RAPGEF5: variants seen among roughly 807,000 people sequenced by gnomAD.
RAPGEF5 encodes the protein M-Ras-regulated GEF.
Under a neutral mutation model 125.2 loss-of-function variants are expected in RAPGEF5, and 65 were observed. The observed-to-expected ratio is 0.52, with a 90% CI of 0.43 to 0.64. The LOEUF is 0.64. Ranked by LOEUF, RAPGEF5 falls within the 30% of genes least tolerant of loss-of-function variation. The pLI, the probability that RAPGEF5 is intolerant of heterozygous loss-of-function variation, is 0.00. For synonymous variants in RAPGEF5, 391 were observed against 385.9 expected, an observed-to-expected ratio of 1.01 and a Z score of -0.16; for missense variants, 958 against 1,048.1, an observed-to-expected ratio of 0.91 and a Z score of 1.19.
intron 2 of RAPGEF5, among the ~76,000 whole-genome samples, chr7:22,317,162 C>T (rs1583574706): frequency 3.3e-5 from 5 of 150,328 alleles, no homozygotes; most frequent in South Asian, 2.1e-4. Flanking sequence ...GGGGATACAG[C>T]GGTGGAGAAG....
chr7:22,304,952 A>C (rs935327104), intron 5 of RAPGEF5, among the ~76,000 whole-genome samples: 2 of 152,218 alleles, frequency 1.3e-5, no homozygotes, highest in African/African-American at 4.8e-5. Context: ...CAGTGATGGG[A>C]AATCCATAAT....
intron 5 of RAPGEF5, among the ~76,000 whole-genome samples, chr7:22,304,804 T>C (rs1211447534): frequency 6.6e-6 from 1 of 152,236 alleles, no homozygotes; most frequent in African/African-American, 2.4e-5. Flanking sequence ...TAAAGTTCAT[T>C]GAACTGCTCC....
At chr7:22,285,523 A>C (rs1205490823) in intron 6 of RAPGEF5, among the ~76,000 whole-genome samples, 1 of 152,228 alleles carries the variant, frequency 6.6e-6, no homozygotes, top group Non-Finnish European at 1.5e-5. Context: ...TCAGCTACTG[A>C]ACAACAAATT....
rs372395393 is a variant in RAPGEF5 at position 22,211,561 on chromosome 7, T to C, written c.996+8305A>G. On this transcript the variant is annotated intron_variant, in intron 9 of 25. Coordinates refer to ENST00000665637, the MANE Select transcript of RAPGEF5 (RefSeq NM_012294.5). ...GGAACTGAAGTCCCCTGACTTGAGC[T>C]GCCCACAGCAAATCCTTTTGCATGT... Among the ~76,000 whole-genome samples the C allele has an allele frequency of 1.1e-3, 169 of 152,346 alleles. 1 individual carries two copies. The highest frequency in any genetic ancestry group is 3.7e-3 in the African/African-American group (155 of 41,594).
chr7:22,263,467 C>T (rs1182733773), intron 7 of RAPGEF5, among the ~76,000 whole-genome samples: 5 of 152,150 alleles, frequency 3.3e-5, no homozygotes, highest in Non-Finnish European at 5.9e-5. Context: ...TGGTGGCTTA[C>T]GCCTATAATC....
At chr7:22,146,032 T>C (rs1329090219) in intron 19 of RAPGEF5, among the ~76,000 whole-genome samples, 1 of 151,902 alleles carries the variant, frequency 6.6e-6, no homozygotes, top group Non-Finnish European at 1.5e-5. Context: ...TTCCACTGCA[T>C]AAGCAGGGAT....
rs1412621338 is a variant in RAPGEF5, at chr7:22,357,061, G to A, written c.-1C>T. On this transcript the variant is annotated 5_prime_UTR_variant, in exon 1 of 26. Transcript: ENST00000665637. ...TGACGGAGCCCACGGCCATCCTCAT[G>A]CCCTGACGGCGCTGCGGCGCCGGGG... 18 of 1,039,028 alleles carry A rather than the reference G, an allele frequency of 1.7e-5. No homozygotes were observed. The highest frequency in any genetic ancestry group is 8.1e-5 in the East Asian group (1 of 12,390). The allele number at this position is 1,039,028 out of a possible 1,614,324, so 64.4% of individuals were successfully genotyped here. A position where few individuals can be genotyped will look rare whatever the true frequency, so the allele number is the denominator to read the frequency against.
intron 1 of RAPGEF5, among the ~76,000 whole-genome samples, chr7:22,335,206 T>C (rs1044341591): frequency 5.3e-5 from 8 of 152,082 alleles, no homozygotes; most frequent in East Asian, 3.9e-4. Flanking sequence ...AAGCAAGAAA[T>C]AGTGGTGTTC....
chr7:22,259,907 G>A (rs1273677374), intron 7 of RAPGEF5, among the ~76,000 whole-genome samples: 2 of 152,138 alleles, frequency 1.3e-5, no homozygotes, highest in Non-Finnish European at 2.9e-5. Flanking sequence ...CCAACATGGT[G>A]AAACCCCGTC....
chr7:22,167,145 G>A lies in RAPGEF5; in HGVS notation c.1208C>T (p.Thr403Ile). ...CGTGAGAAGGAAGTCATCCAGGAGG[G>A]TCTCTGCAAAGAAAAAAAAAACAAA... is the stretch of plus-strand genomic sequence containing the variant. Reference protein sequence around the residue: ...LEEVQDKETETLLDDFLLTYT... With the variant: ...LEEVQDKETEILLDDFLLTYT... The change falls in exon 12 of 26, where the codon ACC becomes ATC. Residue 403 changes from threonine to isoleucine, a missense_variant. Physicochemically the swap from Thr to Ile is moderately conservative, Grantham distance 89 (BLOSUM62 -1). Coordinates refer to ENST00000665637, the MANE Select transcript of RAPGEF5 (RefSeq NM_012294.5). 6.2e-7 allele frequency: 1 copy of A among 1,610,598 alleles called. No homozygotes were observed. The highest frequency in any genetic ancestry group is 2.2e-5 in the East Asian group (1 of 44,826).
intron 11 of RAPGEF5, among the ~76,000 whole-genome samples, chr7:22,179,645 G>T (rs997561349): frequency 1.3e-5 from 2 of 151,970 alleles, no homozygotes; most frequent in Non-Finnish European, 2.9e-5. Flanking sequence ...AGGTCACAAA[G>T]ATCTTGCTGA....
At chr7:22,348,005 T>C (rs10256601) in intron 1 of RAPGEF5, among the ~76,000 whole-genome samples, 29,772 of 152,130 alleles carry the variant, frequency 0.2, 2,982 homozygotes, top group Non-Finnish European at 0.21. Context: ...TGAGTACTTA[T>C]ATCAAGTTTT....
At chr7:22,179,406 C>T (rs1440658091) in intron 11 of RAPGEF5, among the ~76,000 whole-genome samples, 2 of 152,048 alleles carry the variant, frequency 1.3e-5, no homozygotes, top group African/African-American at 4.8e-5. Flanking sequence ...GCATGCTAAG[C>T]ATATGTAAGA....
intron 11 of RAPGEF5, among the ~76,000 whole-genome samples, chr7:22,174,852 G>A (rs558605157): frequency 1.3e-5 from 2 of 152,168 alleles, no homozygotes; most frequent in Admixed American, 6.5e-5. Context: ...TGCTGAGCTT[G>A]GGTTCCCCAG....
chr7:22,295,295 C>T (rs1374052365), intron 5 of RAPGEF5, among the ~76,000 whole-genome samples: 3 of 152,108 alleles, frequency 2.0e-5, no homozygotes, highest in African/African-American at 7.2e-5. Context: ...AAAAAATGTA[C>T]TAAAAGGGAA....
chr7:22,290,517 G>A (rs963078878), intron 6 of RAPGEF5, among the ~76,000 whole-genome samples: 1 of 151,970 alleles, frequency 6.6e-6, no homozygotes, highest in East Asian at 1.9e-4. Flanking sequence ...AGGCTGAGGC[G>A]GGCGGATCAC....
At chr7:22,345,500 G>T (rs1235679761) in intron 1 of RAPGEF5, among the ~76,000 whole-genome samples, 1 of 152,068 alleles carries the variant, frequency 6.6e-6, no homozygotes. Context: ...GAAAAGCTCA[G>T]TAACTTTTGA....
intron 7 of RAPGEF5, among the ~76,000 whole-genome samples, chr7:22,238,082 T>C (rs531831401): frequency 3.3e-5 from 5 of 152,236 alleles, no homozygotes; most frequent in South Asian, 2.1e-4. Context: ...TAGATCATAA[T>C]TGGAAAATGT....
At chr7:22,130,090 A>C (rs898734622) in intron 24 of RAPGEF5, among the ~76,000 whole-genome samples, 1 of 152,188 alleles carries the variant, frequency 6.6e-6, no homozygotes, top group Non-Finnish European at 1.5e-5. Context: ...AGTTTCTGCA[A>C]GAGTTCACAC....
Sources: gnomAD v4.1 joint callset for allele counts (sites outside exome capture counted in the v4.1 genomes callset) on GRCh38, gnomAD v4.1.1 for gene constraint, MANE v1.5 for transcripts, NCBI Gene and HGNC (gene_info 2026-07-23, HGNC 2026-07-21) for gene names.